Variants in ACAN observed in about 807,000 individuals in gnomAD.
The protein encoded by ACAN is aggrecan core protein.
In ACAN, 47 loss-of-function variants were observed where a neutral mutation model predicts 169.1. That is an observed-to-expected ratio of 0.28 (90% CI 0.22 to 0.35). The LOEUF is 0.35. ACAN is among the 10% of genes least tolerant of loss of function. The pLI is 1.00. For missense variants in ACAN, 2,716 were observed against 2,759.9 expected (o/e 0.98, Z 0.36); for synonymous variants, 1,115 against 1,112.2 (o/e 1.00, Z -0.05).
rs895909544 is a variant in ACAN at position 88,866,363 on chromosome 15, G to A, written c.6947-1853G>A. ...AGTGCTTCCCATCTCCCATAATGAC[G>A]CTAATGGATAAAAGAGAACAGGCAG... On this transcript the variant is annotated intron_variant, in intron 13 of 18. Transcript: ENST00000560601. The surrounding 1 kb of genome is among the most constrained non-coding windows in gnomAD (Gnocchi z 5.6). Among the ~76,000 whole-genome samples the A allele has an allele frequency of 6.6e-6, 1 of 152,082 alleles. No homozygotes were observed. The highest frequency in any genetic ancestry group is 1.5e-5 in the Non-Finnish European group (1 of 68,022).
Position 88,871,448 on chromosome 15 carries a change from G to C in ACAN, c.7127G>C (p.Arg2376Pro). The change falls in exon 15 of 19, where the codon CGC becomes CCC. Residue 2376 changes from arginine (R) to proline (P), a missense_variant. Around this residue, in one of 3 missense-constraint regions of ACAN, gnomAD observed 1,389 missense variants for 1,363.7 expected, o/e 1.02. Coordinates refer to ENST00000560601, the MANE Select transcript of ACAN (RefSeq NM_001369268.1). The surrounding 1 kb of genome is among the most constrained non-coding windows in gnomAD (Gnocchi z 7.8). The stretch of plus-strand genomic sequence containing the variant: ...CACTGTTACCGCCACTTCCCGGACC[G>C]CGAGACCTGGGTGGATGCTGAGCGC... ...QGHCYRHFPD[R>P]ETWVDAERRC... The C allele has an allele frequency of 6.2e-7, 1 of 1,613,950 alleles. No homozygotes were observed.
chr15:88,840,031 A>C lies in ACAN; in HGVS notation c.474A>C (p.Arg158Ser). Reference protein sequence around the residue: ...VVVKGIVFHYRAISTRYTLDF... With the variant: ...VVVKGIVFHYSAISTRYTLDF... ...TTGCAGGCATCGTGTTCCATTACAG[A>C]GCCATCTCTACACGCTACACCCTCG... Residue 158 changes from arginine (R) to serine (S), a missense_variant, in exon 4 of 19, where the codon AGA becomes AGC. Coordinates refer to ENST00000560601, the MANE Select transcript of ACAN (RefSeq NM_001369268.1). 6.2e-7 allele frequency: 1 copy of C among 1,601,374 alleles called. No homozygotes were observed. The highest frequency in any genetic ancestry group is 1.1e-5 in the South Asian group (1 of 88,586).
chr15:88,864,190 G>A (rs1897246340), intron 13 of ACAN, among the ~76,000 whole-genome samples: 1 of 151,840 alleles, frequency 6.6e-6, no homozygotes, highest in Non-Finnish European at 1.5e-5. Flanking sequence ...AATAAAGCAA[G>A]ATATTAAAGT....
intron 1 of ACAN, among the ~76,000 whole-genome samples, chr15:88,809,913 T>G (rs892489175): frequency 2.0e-5 from 3 of 152,228 alleles, no homozygotes; most frequent in African/African-American, 7.2e-5. Context: ...CTTTCCTATC[T>G]GTAAAATGGA....
rs200950723 is a variant in ACAN at position 88,847,261 on chromosome 15, G to A, written c.1448G>A (p.Arg483His). The A allele has an allele frequency of 6.1e-4, 945 of 1,557,180 alleles. 1 individual carries two copies. Among genetic ancestry groups the A allele is most frequent in the African/African-American group, 7.5e-4 (55 of 73,418 alleles). Reference protein sequence around the residue: ...HLPGGVVFHYRPGPTRYSLTF... With the variant: ...HLPGGVVFHYHPGPTRYSLTF... ...CACCCAGGGGTCGTCTTCCACTACC[G>A]CCCGGGACCCACCCGCTACTCGCTG... Residue 483 changes from arginine to histidine, a missense_variant, in exon 8 of 19, where the codon CGC (arginine) becomes CAC (histidine). Transcript: ENST00000560601.
At chr15:88,821,099 C>A (rs547180363) in intron 1 of ACAN, among the ~76,000 whole-genome samples, 17 of 152,252 alleles carry the variant, frequency 1.1e-4, no homozygotes, top group African/African-American at 3.6e-4. Flanking sequence ...TCCCATGATT[C>A]GATTACCTCC....
intron 1 of ACAN, among the ~76,000 whole-genome samples, chr15:88,823,845 C>G (rs1208865090): frequency 6.6e-6 from 1 of 152,196 alleles, no homozygotes; most frequent in Non-Finnish European, 1.5e-5. Flanking sequence ...CTTCTCCACT[C>G]TTGCACCTCT....
chr15:88,844,626 G>A (rs1896750659), intron 6 of ACAN, among the ~76,000 whole-genome samples: 1 of 152,186 alleles, frequency 6.6e-6, no homozygotes, highest in African/African-American at 2.4e-5. Context: ...ACCCACCTCA[G>A]CCTCCCAAAG....
In ACAN at chr15:88,845,546, G is replaced by A. The variant is rs1896770677; in HGVS notation, c.1093G>A (p.Gly365Arg). Residue 365 changes from glycine (G) to arginine (R), a missense_variant, in exon 7 of 19, where the codon GGG becomes AGG. Coordinates refer to ENST00000560601, the MANE Select transcript of ACAN (RefSeq NM_001369268.1). ...VDIPENFFGV[G>R]GEEDITVQTV... ...CATCCCAGAAAACTTCTTTGGAGTGGGGGGTGAGGAGGACATCACCGTCCA... is the reference window on the plus strand; with the variant it reads ...CATCCCAGAAAACTTCTTTGGAGTGAGGGGTGAGGAGGACATCACCGTCCA... 1.6e-5 allele frequency: 26 copies of A among 1,612,990 alleles called. No individual in the cohort carries two copies. Among genetic ancestry groups the A allele is most frequent in the Non-Finnish European group, 2.0e-5 (24 of 1,179,124 alleles).
At chr15:88,805,370 A>G (rs1326288073) in intron 1 of ACAN, among the ~76,000 whole-genome samples, 9 of 152,212 alleles carry the variant, frequency 5.9e-5, no homozygotes, top group Admixed American at 3.3e-4. Flanking sequence ...GAGAGGTTCT[A>G]ACCTGAAAGA....
rs1596154863 is a variant in ACAN at position 88,868,866 on chromosome 15, G to T, written c.7060+537G>T. ...ATCAGCATGCTCAAGTCATGCATGA[G>T]CAAGGACTGCTGCATGTCACCTTCT... On this transcript the variant is annotated intron_variant, in intron 14 of 18. Transcript: ENST00000560601. This position sits in a 1 kb window ranked among gnomAD's most constrained non-coding sequence, Gnocchi z 5.2. 6.6e-6 allele frequency among the ~76,000 whole-genome samples: 1 copy of T among 152,328 alleles called. No individual in the cohort carries two copies. The highest frequency in any genetic ancestry group is 1.5e-5 in the Non-Finnish European group (1 of 68,030).
chr15:88,832,607 C>T (rs867546188), intron 1 of ACAN, among the ~76,000 whole-genome samples: 2 of 152,204 alleles, frequency 1.3e-5, no homozygotes, highest in Non-Finnish European at 2.9e-5. Flanking sequence ...GGCAAACTAT[C>T]AAAACACTAA....
chr15:88,840,948 T>C (rs1016229795), intron 4 of ACAN, among the ~76,000 whole-genome samples: 1 of 151,992 alleles, frequency 6.6e-6, no homozygotes, highest in Non-Finnish European at 1.5e-5. Flanking sequence ...ATCGAGACCA[T>C]CCTAGCTAAC....
At chr15:88,826,114 A>G (rs563663260) in intron 1 of ACAN, among the ~76,000 whole-genome samples, 2 of 152,286 alleles carry the variant, frequency 1.3e-5, no homozygotes, top group East Asian at 3.9e-4. Flanking sequence ...GTAGGATGGG[A>G]CTTTAGAAAA....
intron 1 of ACAN, among the ~76,000 whole-genome samples, chr15:88,824,289 A>AC (rs200669170): frequency 0.014 from 2,164 of 151,310 alleles, 55 homozygotes; most frequent in African/African-American, 0.049. Context: ...GCGCCACTGC[A>AC]CTCCCGGGTG....
rs148420241 is a variant in ACAN, at chr15:88,840,403, G to C, written c.629+217G>C. 5.9e-5 allele frequency among the ~76,000 whole-genome samples: 9 copies of C among 152,316 alleles called. No individual in the cohort carries two copies. In the South Asian group the frequency reaches 1.9e-3, roughly 32 times the overall value. ...TGATTCTCTCTTGCAAATGGGATGAGGGACTGCTAGCAACCTTGCCCTACA... is the reference window on the plus strand; with the variant it reads ...TGATTCTCTCTTGCAAATGGGATGACGGACTGCTAGCAACCTTGCCCTACA... On this transcript the variant is annotated intron_variant, in intron 4 of 18. Transcript: ENST00000560601.
At chr15:88,850,082 T>A in intron 10 of ACAN, 3 of 584,438 alleles carry the variant, frequency 5.1e-6, no homozygotes, top group Non-Finnish European at 9.1e-6. Flanking sequence ...AAGAATTAAT[T>A]AAGTGCACGT....
At chr15:88,827,101 A>G (rs777141709) in intron 1 of ACAN, among the ~76,000 whole-genome samples, 2 of 152,158 alleles carry the variant, frequency 1.3e-5, no homozygotes, top group Non-Finnish European at 2.9e-5. Context: ...GATGGCCCCT[A>G]GATTGTTCCT....
At position 88,849,562 on chromosome 15, in the gene ACAN, G is replaced by A. The variant is rs764772401; in HGVS notation, c.1857G>A (p.Leu619=). 10 of 1,607,192 alleles carry A rather than the reference G, an allele frequency of 6.2e-6. No homozygotes were observed. The highest frequency in any genetic ancestry group is 2.7e-5 in the African/African-American group (2 of 74,760). The change falls in exon 10 of 19, where the codon CTG becomes CTA. Residue 619 remains leucine, a synonymous_variant. Transcript: ENST00000560601. This position sits in a 1 kb window ranked among gnomAD's most constrained non-coding sequence, Gnocchi z 5.1. ...TCTACGCCGCCTGGAGCCGCGGCCT[G>A]GACAAGTGCTATGCCGGCTGGCTGG... The part of the protein sequence containing the change: ...GQLYAAWSRG[L]DKCYAGWLAD...
Sources: allele counts gnomAD v4.1 joint callset (sites outside exome capture counted in the v4.1 genomes callset), GRCh38; gene constraint gnomAD v4.1.1; regional missense constraint gnomAD v4.1.1; non-coding constraint Gnocchi (gnomAD v3.1); transcripts MANE v1.5; gene names NCBI Gene and HGNC (gene_info 2026-07-23, HGNC 2026-07-21).